DLG4: variants seen among roughly 807,000 people sequenced by gnomAD.
DLG4 encodes the protein disks large homolog 4.
DLG4 carries 7 observed loss-of-function variants against 93.8 expected under a neutral mutation model. The observed-to-expected ratio is 0.07, with a 90% CI of 0.04 to 0.14. The LOEUF (loss-of-function observed/expected upper bound fraction) is 0.14, where lower values mean the gene tolerates loss of function less well. Among genes scored for constraint, DLG4 ranks in the 10% least tolerant of loss-of-function variants. The pLI is 1.00. For missense variants in DLG4, 545 were observed against 992.9 expected (o/e 0.55, Z 6.06); for synonymous variants, 341 against 387.6 (o/e 0.88, Z 1.41).
chr17:7,205,869 C>T (rs1010052276), intron 2 of DLG4, among the ~76,000 whole-genome samples: 4 of 151,326 alleles, frequency 2.6e-5, no homozygotes, highest in African/African-American at 9.7e-5. Context: ...CATCCCCATC[C>T]CTATCCTGGA....
At chr17:7,219,933 A>ACGCGGGCGTGCAGGG (rs2071102988), upstream of DLG4, 1 of 1,576,618 alleles carries the variant, frequency 6.3e-7, no homozygotes, top group Middle Eastern at 1.7e-4. Context: ...GGCGTGCAGG[A>ACGCGGGCGTGCAGGG]CGCCAGAGCT....
Position 7,193,592 on chromosome 17 carries a change from G to C in DLG4, c.1592-8C>G. The C allele has an allele frequency of 3.3e-6, 5 of 1,524,940 alleles. No homozygotes were observed. The highest frequency in any genetic ancestry group is 4.4e-6 in the Non-Finnish European group (5 of 1,139,038). 94.5% of individuals were successfully genotyped at this position (1,524,940 alleles called of 1,614,324 possible). ...TGGGGCGAGCATAGTGCACTGCAGAGAGAGCCTGGCTTAGGCCGAGCGCAG... is the reference window on the plus strand; with the variant it reads ...TGGGGCGAGCATAGTGCACTGCAGACAGAGCCTGGCTTAGGCCGAGCGCAG... On this transcript the variant is annotated splice_region_variant and splice_polypyrimidine_tract_variant and intron_variant, in intron 15 of 19. Coordinates refer to ENST00000399506, the MANE Select transcript of DLG4 (RefSeq NM_001321075.3). This position sits in a 1 kb window ranked among gnomAD's most constrained non-coding sequence, Gnocchi z 6.7.
At chr17:7,207,804 G>A (rs1434574227) in intron 2 of DLG4, among the ~76,000 whole-genome samples, 2 of 151,058 alleles carry the variant, frequency 1.3e-5, no homozygotes, top group East Asian at 3.9e-4. Context: ...CAGCACACGC[G>A]CACAGGCACG....
At position 7,193,618 on chromosome 17, in the gene DLG4, G is replaced by T; in HGVS notation, c.1592-34C>A. 2 of 1,529,030 alleles carry T rather than the reference G, an allele frequency of 1.3e-6. No homozygotes were observed. The highest frequency in any genetic ancestry group is 1.8e-6 in the Non-Finnish European group (2 of 1,140,906). 94.7% of individuals were successfully genotyped at this position (1,529,030 alleles called of 1,614,324 possible). On this transcript the variant is annotated intron_variant, in intron 15 of 19. Coordinates refer to ENST00000399506, the MANE Select transcript of DLG4 (RefSeq NM_001321075.3). The surrounding 1 kb of genome is among the most constrained non-coding windows in gnomAD (Gnocchi z 6.7). Reference sequence around the variant, plus strand: ...AGAGCCTGGCTTAGGCCGAGCGCAGGGTTGGGGGAGCAGCAAGTGCTGGGG... The same window carrying T: ...AGAGCCTGGCTTAGGCCGAGCGCAGTGTTGGGGGAGCAGCAAGTGCTGGGG...
At position 7,208,505 on chromosome 17, in the gene DLG4, G is replaced by T. The variant is rs139207172; in HGVS notation, c.31-266C>A. ...CCAACTCCTACTCCTCACATCCTGG[G>T]ACACTGGCCTTCTGGTGGGCATAGC... is the stretch of plus-strand genomic sequence containing the variant. On this transcript the variant is annotated intron_variant, in intron 1 of 19. Transcript: ENST00000399506. The surrounding 1 kb of genome is among the most constrained non-coding windows in gnomAD (Gnocchi z 5.4). Among the ~76,000 whole-genome samples, 52 of 152,082 alleles carry T rather than the reference G, an allele frequency of 3.4e-4. No individual in the cohort carries two copies. Among genetic ancestry groups the T allele is most frequent in the Admixed American group, 1.1e-3 (17 of 15,258 alleles).
In DLG4 at chr17:7,194,274, C is replaced by T. The variant is rs2069655087; in HGVS notation, c.1478+45G>A. 6.4e-7 allele frequency: 1 copy of T among 1,572,668 alleles called. No homozygotes were observed. The highest frequency in any genetic ancestry group is 1.9e-5 in the Admixed American group (1 of 53,970). The stretch of plus-strand genomic sequence containing the variant: ...TGCCCACCCCGGGGGACCTTGGGAA[C>T]TTCAGTGCCTGTGGCAGGAAGGCTA... On this transcript the variant is annotated intron_variant, in intron 12 of 19. Coordinates refer to ENST00000399506, the MANE Select transcript of DLG4 (RefSeq NM_001321075.3). The surrounding 1 kb of genome is among the most constrained non-coding windows in gnomAD (Gnocchi z 4.4).
upstream of DLG4, chr17:7,218,336 T>C (rs867936823): frequency 1.3e-6 from 2 of 1,554,404 alleles, no homozygotes; most frequent in Admixed American, 1.8e-5. Flanking sequence ...TCCAGGCACA[T>C]CACCCCTGTC....
At chr17:7,210,112 T>C (rs1047959491) in intron 1 of DLG4, among the ~76,000 whole-genome samples, 82 of 152,234 alleles carry the variant, frequency 5.4e-4, no homozygotes, top group African/African-American at 2.0e-3. Context: ...AGTGCCCTAA[T>C]ACTTAGAGGG....
chr17:7,197,181 TGGGGTGGTAAGG>T (rs1162653167), intron 8 of DLG4, 129 bp from the exon 9 acceptor site: 10 of 922,472 alleles, frequency 1.1e-5, no homozygotes, highest in Non-Finnish European at 1.6e-5. Flanking sequence ...GATGCCAGGG[TGGGGTGGTAAGG>T]GGATATCAGA....
chr17:7,193,142 C>A lies in DLG4; in HGVS notation c.1694-25G>T. On this transcript the variant is annotated intron_variant, in intron 16 of 19. Coordinates refer to ENST00000399506, the MANE Select transcript of DLG4 (RefSeq NM_001321075.3). This position sits in a 1 kb window ranked among gnomAD's most constrained non-coding sequence, Gnocchi z 6.7. ...TCTGCCAGGAAGTCACCCCACCCCC[C>A]AAAGATCTAACCACCATCCCTCTAG... 4 of 1,612,652 alleles carry A rather than the reference C, an allele frequency of 2.5e-6. No individual in the cohort carries two copies. The highest frequency in any genetic ancestry group is 3.4e-6 in the Non-Finnish European group (4 of 1,179,138).
rs1461133219 is a variant in DLG4 at position 7,217,236 on chromosome 17, C to G, written c.-89G>C. The stretch of plus-strand genomic sequence containing the variant: ...CCTCCGTGGGTTCTCACCCCTCCCC[C>G]CTCCGCACCCCACTTTTGCAGGGGG... On this transcript the variant is annotated 5_prime_UTR_variant, in exon 1 of 20. Coordinates refer to ENST00000399506, the MANE Select transcript of DLG4 (RefSeq NM_001321075.3). 2 of 1,257,462 alleles carry G rather than the reference C, an allele frequency of 1.6e-6. No homozygotes were observed. Among genetic ancestry groups the G allele is most frequent in the African/African-American group, 3.1e-5 (2 of 63,966 alleles). The allele number at this position is 1,257,462 out of a possible 1,614,324, so 77.9% of individuals were successfully genotyped here.
chr17:7,197,104 C>T lies in DLG4; in HGVS notation c.788-52G>A, dbSNP rs1268452523. 7 of 1,511,856 alleles carry T rather than the reference C, an allele frequency of 4.6e-6. No homozygotes were observed. In the East Asian group the frequency reaches 1.6e-4, roughly 35 times the overall value. 93.7% of individuals were successfully genotyped at this position (1,511,856 alleles called of 1,614,324 possible). On this transcript the variant is annotated intron_variant, in intron 8 of 19. Transcript: ENST00000399506. ...GTGCCTGGAGGGAAACAGCACCCGC[C>T]ACCCAACCTTCTCCCCAGGGTGCCA...
In DLG4 at chr17:7,210,402, T is replaced by C. The variant is rs114375212; in HGVS notation, c.31-2163A>G. Among the ~76,000 whole-genome samples the C allele has an allele frequency of 1.6e-3, 244 of 152,294 alleles. 1 individual carries two copies. The highest frequency in any genetic ancestry group is 5.6e-3 in the African/African-American group (234 of 41,560). ...ACGGGCTCAGCAAGATTGAGTCTAT[T>C]CTCTGGGCCACAGACTTGGAGAGAA... On this transcript the variant is annotated intron_variant, in intron 1 of 19. Coordinates refer to ENST00000399506, the MANE Select transcript of DLG4 (RefSeq NM_001321075.3).
chr17:7,188,806 T>C lies in DLG4; in HGVS notation c.*1902A>G, dbSNP rs2069362914. ...ATTATTTACAAAGCTGCCTCAGATC[T>C]TTCCCATAGAGATAGGACATAAAGG... On this transcript the variant is annotated 3_prime_UTR_variant, in exon 20 of 20. Transcript: ENST00000399506. Among the ~76,000 whole-genome samples the C allele has an allele frequency of 6.6e-6, 1 of 152,146 alleles. No individual in the cohort carries two copies. Among genetic ancestry groups the C allele is most frequent in the African/African-American group, 2.4e-5 (1 of 41,440 alleles).
At chr17:7,211,537 T>G in intron 1 of DLG4, 1 of 249,458 alleles carries the variant, frequency 4.0e-6, no homozygotes, top group Non-Finnish European at 6.3e-6. Flanking sequence ...CCACGAGAAG[T>G]TGCAACCCAG....
intron 2 of DLG4, among the ~76,000 whole-genome samples, chr17:7,206,916 A>C (rs571505012): frequency 6.6e-6 from 1 of 151,812 alleles, no homozygotes; most frequent in Non-Finnish European, 1.5e-5. Context: ...GTGTCCCCTC[A>C]ATCTCACAGC....
rs972918860 is a variant in DLG4 at position 7,190,930 on chromosome 17, G to A, written c.2069-116C>T. 12 of 735,668 alleles carry A rather than the reference G, an allele frequency of 1.6e-5. No homozygotes were observed. The African/African-American group carries it at 2.0e-4, about 12-fold the overall frequency. 45.6% of individuals were successfully genotyped at this position (735,668 alleles called of 1,614,324 possible). ...CTCTTTCCAACTCTCCAAGCCATAA[G>A]TCCTGGGGCTGCACCCGCCCACAGG... On this transcript the variant is annotated intron_variant, in intron 19 of 19. Coordinates refer to ENST00000399506, the MANE Select transcript of DLG4 (RefSeq NM_001321075.3).
Position 7,194,094 on chromosome 17 carries a change from C to A in DLG4, c.1479-94G>T, listed in dbSNP as rs1016780063. On this transcript the variant is annotated intron_variant, in intron 12 of 19. Coordinates refer to ENST00000399506, the MANE Select transcript of DLG4 (RefSeq NM_001321075.3). The surrounding 1 kb of genome is among the most constrained non-coding windows in gnomAD (Gnocchi z 4.4). ...CAGCTGACAACCCCTTCTCCATACT[C>A]TGGGCCAGCTGACACCCCTTCTCCT... 6 of 1,494,062 alleles carry A rather than the reference C, an allele frequency of 4.0e-6. No individual in the cohort carries two copies. Among genetic ancestry groups the A allele is most frequent in the African/African-American group, 2.8e-5 (2 of 72,142 alleles). 92.6% of individuals were successfully genotyped at this position (1,494,062 alleles called of 1,614,324 possible).
In DLG4 at chr17:7,194,916, G is replaced by A. The variant is rs1222047293; in HGVS notation, c.1302-421C>T. 6.6e-6 allele frequency among the ~76,000 whole-genome samples: 1 copy of A among 151,976 alleles called. No individual in the cohort carries two copies. The highest frequency in any genetic ancestry group is 1.5e-5 in the Non-Finnish European group (1 of 67,996). ...TGCCTGTATTCCCAGCTTCTCGGGA[G>A]GCTGAGGCAGGAAAATGGCATGAAC... On this transcript the variant is annotated intron_variant, in intron 11 of 19. Coordinates refer to ENST00000399506, the MANE Select transcript of DLG4 (RefSeq NM_001321075.3). This position sits in a 1 kb window ranked among gnomAD's most constrained non-coding sequence, Gnocchi z 4.4.
Sources: gnomAD v4.1 joint callset for allele counts (sites outside exome capture counted in the v4.1 genomes callset) on GRCh38, gnomAD v4.1.1 for gene constraint, Gnocchi (gnomAD v3.1) non-coding constraint, MANE v1.5 for transcripts, NCBI Gene and HGNC (gene_info 2026-07-23, HGNC 2026-07-21) for gene names.